The following TMEM108 variants were observed in gnomAD, a reference collection of about 807,000 sequenced individuals.
TMEM108 encodes the protein transmembrane protein 108.
A neutral mutation model predicts 35.1 loss-of-function variants in TMEM108; 12 were observed. The ratio of observed to expected loss-of-function variants is 0.34; its 90% CI spans 0.22 to 0.55. TMEM108 has a LOEUF of 0.55. Among genes scored for constraint, TMEM108 ranks in the 20% least tolerant of loss-of-function variants. TMEM108 has a pLI of 0.89. For missense variants in TMEM108, 680 were observed against 753.3 expected (o/e 0.90, Z 1.14); for synonymous variants, 287 against 308.6 (o/e 0.93, Z 0.73).
chr3:133,265,258 G>A lies in TMEM108; in HGVS notation c.40+35907G>A, dbSNP rs541113465. On this transcript the variant is annotated intron_variant, in intron 3 of 5. Transcript: ENST00000321871. Reference sequence around the variant, plus strand: ...AACTTACTTCCTCCAGACAGCTTTTGTTCCTGTCTCTAACATTTTGTATGT... The same window carrying A: ...AACTTACTTCCTCCAGACAGCTTTTATTCCTGTCTCTAACATTTTGTATGT... Among the ~76,000 whole-genome samples, 6 of 152,260 alleles carry A rather than the reference G, an allele frequency of 3.9e-5. No individual in the cohort carries two copies. The South Asian group carries it at 1.2e-3, about 32-fold the overall frequency.
intron 3 of TMEM108, among the ~76,000 whole-genome samples, chr3:133,337,186 A>G (rs922758901): frequency 3.3e-5 from 5 of 152,186 alleles, no homozygotes; most frequent in African/African-American, 1.2e-4. Flanking sequence ...CTGATCAAAG[A>G]ACCCCAGGAC....
At chr3:133,150,701 G>C (rs1944787055) in intron 2 of TMEM108, among the ~76,000 whole-genome samples, 1 of 152,142 alleles carries the variant, frequency 6.6e-6, no homozygotes. Context: ...AAGCCATTCT[G>C]TGGTTATAAA....
At chr3:133,088,979 G>A (rs1015686854) in intron 2 of TMEM108, among the ~76,000 whole-genome samples, 1 of 152,152 alleles carries the variant, frequency 6.6e-6, no homozygotes, top group Non-Finnish European at 1.5e-5. Context: ...TCTGCTTCTG[G>A]GGAGGCCTCA....
At chr3:133,054,907 A>G (rs963076917) in intron 2 of TMEM108, among the ~76,000 whole-genome samples, 4 of 152,226 alleles carry the variant, frequency 2.6e-5, no homozygotes, top group African/African-American at 9.6e-5. Context: ...CCTTAGAGAA[A>G]TGCAGCTTTT....
intron 3 of TMEM108, among the ~76,000 whole-genome samples, chr3:133,307,883 C>T (rs1312655991): frequency 1.3e-5 from 2 of 151,974 alleles, no homozygotes; most frequent in African/African-American, 4.8e-5. Flanking sequence ...GTAGATTTTT[C>T]CAATTCTGTG....
chr3:133,182,823 C>T (rs1945366455), intron 2 of TMEM108, among the ~76,000 whole-genome samples: 1 of 152,196 alleles, frequency 6.6e-6, no homozygotes, highest in Non-Finnish European at 1.5e-5. Context: ...AGTGGTGCAT[C>T]TAACTCAGTT....
intron 2 of TMEM108, among the ~76,000 whole-genome samples, chr3:133,223,689 A>G (rs1946025542): frequency 6.6e-6 from 1 of 152,206 alleles, no homozygotes. Context: ...AGAAACCATC[A>G]TTAGAATAGT....
chr3:133,342,467 T>C (rs1277494253), intron 3 of TMEM108, among the ~76,000 whole-genome samples: 1 of 148,050 alleles, frequency 6.8e-6, no homozygotes, highest in African/African-American at 2.5e-5. Flanking sequence ...TCAAAATATC[T>C]CATGTAATCC....
intron 3 of TMEM108, among the ~76,000 whole-genome samples, chr3:133,349,442 A>G (rs2071924501): frequency 6.6e-6 from 1 of 152,206 alleles, no homozygotes; most frequent in African/African-American, 2.4e-5. Context: ...AAGCAAAAAT[A>G]GACAAATAGG....
At chr3:133,108,966 C>T (rs183102342) in intron 2 of TMEM108, among the ~76,000 whole-genome samples, 5 of 152,084 alleles carry the variant, frequency 3.3e-5, no homozygotes, top group Non-Finnish European at 7.4e-5. Flanking sequence ...TGCACATGTA[C>T]CCTACAACTT....
At chr3:133,289,628 G>A (rs1437023976) in intron 3 of TMEM108, among the ~76,000 whole-genome samples, 2 of 152,202 alleles carry the variant, frequency 1.3e-5, no homozygotes, top group East Asian at 1.9e-4. Flanking sequence ...TGTGCAATCC[G>A]ACTGTGAGGT....
intron 3 of TMEM108, among the ~76,000 whole-genome samples, chr3:133,340,059 A>T (rs935471000): frequency 1.3e-5 from 2 of 151,778 alleles, no homozygotes; most frequent in Admixed American, 1.3e-4. Flanking sequence ...AGCAAGAGGA[A>T]AACAAATCCA....
intron 2 of TMEM108, among the ~76,000 whole-genome samples, chr3:133,171,121 T>C (rs1423006636): frequency 2.0e-5 from 3 of 152,116 alleles, no homozygotes; most frequent in African/African-American, 7.2e-5. Context: ...CACCACCAGA[T>C]AGATGGTGAT....
rs369228472 is a variant in TMEM108, at chr3:133,181,008, T to TAAAAA, written c.-46-48232_-46-48228dup. Among the ~76,000 whole-genome samples the TAAAAA allele has an allele frequency of 6.0e-3, 457 of 75,782 alleles. 42 individuals carry two copies. Among genetic ancestry groups the TAAAAA allele is most frequent in the African/African-American group, 0.021 (403 of 19,470 alleles). The allele number at this position is 75,782 out of a possible 152,430, so 49.7% of individuals were successfully genotyped here. A position where few individuals can be genotyped will look rare whatever the true frequency, so the allele number is the denominator to read the frequency against. On this transcript the variant is annotated intron_variant, in intron 2 of 5. Coordinates refer to ENST00000321871, the MANE Select transcript of TMEM108 (RefSeq NM_023943.4). ...TGTACTGGCTATTGGGCAGTTGTGT[T>TAAAAA]AAAAAAAAAAAAAAAAAAAAAAAAA...
intron 1 of TMEM108, among the ~76,000 whole-genome samples, chr3:133,043,644 GATGT>G (rs1237541353): frequency 6.6e-6 from 1 of 151,992 alleles, no homozygotes; most frequent in Non-Finnish European, 1.5e-5. Flanking sequence ...TTGATTTCCA[GATGT>G]TCAGTTCCCT....
intron 2 of TMEM108, among the ~76,000 whole-genome samples, chr3:133,084,659 C>G (rs868609357): frequency 6.6e-6 from 1 of 152,202 alleles, no homozygotes; most frequent in African/African-American, 2.4e-5. Flanking sequence ...GGTCCAGGCA[C>G]TGTTCCAAGC....
intron 3 of TMEM108, among the ~76,000 whole-genome samples, chr3:133,301,274 CA>C (rs1947221428): frequency 6.6e-6 from 1 of 152,146 alleles, no homozygotes; most frequent in Non-Finnish European, 1.5e-5. Flanking sequence ...TTTTATACAA[CA>C]GCAGCATGTA....
intron 2 of TMEM108, among the ~76,000 whole-genome samples, chr3:133,209,882 C>T (rs1354534171): frequency 6.6e-6 from 1 of 152,074 alleles, no homozygotes; most frequent in Non-Finnish European, 1.5e-5. Context: ...CCCTGAACCT[C>T]ATCTCTCTCC....
chr3:133,360,171 C>T (rs1011810421), intron 3 of TMEM108, among the ~76,000 whole-genome samples: 8 of 151,976 alleles, frequency 5.3e-5, no homozygotes, highest in African/African-American at 4.8e-5. Flanking sequence ...GAAAGCAGAT[C>T]ATTTGCTTGG....
Sources: gnomAD v4.1 joint callset for allele counts (sites outside exome capture counted in the v4.1 genomes callset) on GRCh38, gnomAD v4.1.1 for gene constraint, MANE v1.5 for transcripts, NCBI Gene and HGNC (gene_info 2026-07-23, HGNC 2026-07-21) for gene names.